RALGPS2: variants seen among roughly 807,000 people sequenced by gnomAD.
RALGPS2 encodes the protein ras-specific guanine nucleotide-releasing factor RalGPS2.
RALGPS2 carries 43 observed loss-of-function variants against 86.8 expected under a neutral mutation model. The ratio of observed to expected loss-of-function variants is 0.50; its 90% confidence interval spans 0.39 to 0.64. RALGPS2 has a LOEUF of 0.64. RALGPS2 is among the 30% of genes least tolerant of loss of function. The pLI is 0.00. For synonymous variants in RALGPS2, 243 were observed against 231.3 expected (o/e 1.05, Z -0.46); for missense variants, 536 against 694.6 (o/e 0.77, Z 2.57).
chr1:178,729,703 G>A (rs1650227797), intron 1 of RALGPS2, among the ~76,000 whole-genome samples: 1 of 152,100 alleles, frequency 6.6e-6, no homozygotes, highest in Non-Finnish European at 1.5e-5. Flanking sequence ...TGCCCAACTG[G>A]CAATGCAAGT....
intron 18 of RALGPS2, among the ~76,000 whole-genome samples, chr1:178,904,483 G>A (rs1341285886): frequency 6.6e-6 from 1 of 152,160 alleles, no homozygotes; most frequent in Non-Finnish European, 1.5e-5. Flanking sequence ...TATAGTTTCA[G>A]GTCTTAGATT....
rs115765024 is a variant in RALGPS2, at chr1:178,885,829, A to G, written c.1041-140A>G. 22,785 of 704,914 alleles carry G rather than the reference A, an allele frequency of 0.032. 532 individuals carry two copies. Among genetic ancestry groups the G allele is most frequent in the African/African-American group, 0.079 (4,207 of 53,190 alleles). The allele number at this position is 704,914 out of a possible 1,614,324, so 43.7% of individuals were successfully genotyped here. ...CAGGTTTCCTAAAACATTTTCCCTA[A>G]ACTGTTCATTTGAGGCTTTTATGGT... On this transcript the variant is annotated intron_variant, in intron 12 of 19. Transcript: ENST00000367635.
chr1:178,907,986 C>T (rs1448999644), intron 19 of RALGPS2, among the ~76,000 whole-genome samples: 2 of 152,146 alleles, frequency 1.3e-5, no homozygotes, highest in Non-Finnish European at 2.9e-5. Context: ...AGGTTTGTTA[C>T]ATGGGTATAT....
intron 8 of RALGPS2, chr1:178,852,793 T>G (rs1006754094): frequency 4.3e-6 from 7 of 1,613,820 alleles, no homozygotes; most frequent in Non-Finnish European, 5.9e-6. Flanking sequence ...TCTATAGAAT[T>G]CACTTTCAGG....
intron 1 of RALGPS2, among the ~76,000 whole-genome samples, chr1:178,764,704 T>C (rs1001409667): frequency 7.2e-5 from 11 of 152,264 alleles, no homozygotes; most frequent in Admixed American, 5.2e-4. Flanking sequence ...ATATTATTTC[T>C]TCTTCGCTTA....
intron 4 of RALGPS2, among the ~76,000 whole-genome samples, chr1:178,804,338 A>G (rs1654631937): frequency 6.9e-6 from 1 of 145,248 alleles, no homozygotes; most frequent in Non-Finnish European, 1.5e-5. Context: ...CAGGTTAGTT[A>G]CATATGTATA....
chr1:178,812,511 T>C (rs566889681), intron 6 of RALGPS2, among the ~76,000 whole-genome samples: 1 of 152,320 alleles, frequency 6.6e-6, no homozygotes, highest in South Asian at 2.1e-4. Flanking sequence ...TCTTTACAGA[T>C]GTGAATCTCC....
rs768764029 is a variant in RALGPS2 at position 178,833,445 on chromosome 1, A to G, written c.502A>G (p.Thr168Ala). The G allele has an allele frequency of 1.3e-6, 2 of 1,512,434 alleles. No homozygotes were observed. Among genetic ancestry groups the G allele is most frequent in the Admixed American group, 5.4e-5 (2 of 36,926 alleles). The allele number at this position is 1,512,434 out of a possible 1,614,324, so 93.7% of individuals were successfully genotyped here. ...TTAGTTATTAAGTCGAAAAGACAAAACTACCTTTGAAAAATTAGAATATGT... is the reference window on the plus strand; with the variant it reads ...TTAGTTATTAAGTCGAAAAGACAAAGCTACCTTTGAAAAATTAGAATATGT... ...TWALLSRKDK[T>A]TFEKLEYVMS... The change falls in exon 8 of 20, where the codon ACT (threonine) becomes GCT (alanine). Residue 168 changes from threonine (T) to alanine (A), a missense_variant. Thr to Ala is a moderately conservative substitution (Grantham distance 58). This residue lies in a region of RALGPS2 where 184 missense variants were observed against 296.7 expected (regional missense o/e 0.62). Transcript: ENST00000367635.
At chr1:178,807,904 G>T (rs570177559) in intron 4 of RALGPS2, 141 bp from the exon 5 acceptor site, 153 of 677,352 alleles carry the variant, frequency 2.3e-4, no homozygotes, top group African/African-American at 2.3e-3. Flanking sequence ...CCAACTGAAT[G>T]GATATAATAT....
At chr1:178,817,564 T>A (rs1655293079) in intron 6 of RALGPS2, among the ~76,000 whole-genome samples, 1 of 151,372 alleles carries the variant, frequency 6.6e-6, no homozygotes, top group Admixed American at 6.6e-5. Context: ...AGTGTTCTAA[T>A]TTTTTTTTCT....
chr1:178,777,072 G>C (rs1370336228), intron 2 of RALGPS2, among the ~76,000 whole-genome samples: 1 of 150,562 alleles, frequency 6.6e-6, no homozygotes, highest in Non-Finnish European at 1.5e-5. Context: ...TCTAGCATTA[G>C]GTATATCTCC....
intron 8 of RALGPS2, chr1:178,851,370 T>C: frequency 6.9e-7 from 1 of 1,446,440 alleles, no homozygotes; most frequent in Non-Finnish European, 9.2e-7. Flanking sequence ...GGTGTGGTAC[T>C]CTGCAATCAT....
At chr1:178,795,688 C>T (rs1218981980) in intron 4 of RALGPS2, among the ~76,000 whole-genome samples, 1 of 152,078 alleles carries the variant, frequency 6.6e-6, no homozygotes, top group East Asian at 1.9e-4. Flanking sequence ...TGCTGGATTA[C>T]AGGTGTAGCC....
In RALGPS2 at chr1:178,907,125, GGGA is replaced by G. The variant is rs1660418992; in HGVS notation, c.1722+260_1722+262del. Among the ~76,000 whole-genome samples, 6 of 152,304 alleles carry G rather than the reference GGGA, an allele frequency of 3.9e-5. No homozygotes were observed. The South Asian group carries it at 1.2e-3, about 32-fold the overall frequency. On this transcript the variant is annotated intron_variant, in intron 19 of 19. Transcript: ENST00000367635. ...ATAGACGTATGTGATATAGAGCAAT[GGGA>G]GTACAGACAACTTTTGATAACATAA... is the stretch of plus-strand genomic sequence containing the variant.
intron 19 of RALGPS2, among the ~76,000 whole-genome samples, chr1:178,915,957 GAAAAT>G (rs1660795313): frequency 6.6e-6 from 1 of 152,034 alleles, no homozygotes; most frequent in Non-Finnish European, 1.5e-5. Flanking sequence ...TATATAATGA[GAAAAT>G]AAATAATGGC....
At chr1:178,732,459 C>T (rs756438530) in intron 1 of RALGPS2, among the ~76,000 whole-genome samples, 7 of 152,122 alleles carry the variant, frequency 4.6e-5, no homozygotes, top group South Asian at 2.1e-4. Flanking sequence ...CCACCACATC[C>T]GGCTAATTTT....
chr1:178,899,660 T>TTTTTTG, intron 17 of RALGPS2, among the ~76,000 whole-genome samples: 1 of 151,244 alleles, frequency 6.6e-6, no homozygotes. Context: ...TTGGTTTTTT[T>TTTTTTG]TTTTGCCAAA....
chr1:178,793,584 C>G (rs1234364078), intron 4 of RALGPS2, among the ~76,000 whole-genome samples: 3 of 151,896 alleles, frequency 2.0e-5, no homozygotes, highest in Non-Finnish European at 4.4e-5. Flanking sequence ...TGTCACAAGT[C>G]AAGCACGTAC....
chr1:178,881,345 T>C (rs1659236667), intron 10 of RALGPS2, among the ~76,000 whole-genome samples: 1 of 152,102 alleles, frequency 6.6e-6, no homozygotes, highest in Non-Finnish European at 1.5e-5. Flanking sequence ...AAAAGTATGC[T>C]GGGGATGGAA....
Sources: allele counts gnomAD v4.1 joint callset (sites outside exome capture counted in the v4.1 genomes callset), GRCh38; gene constraint gnomAD v4.1.1; regional missense constraint gnomAD v4.1.1; transcripts MANE v1.5; gene names NCBI Gene and HGNC (gene_info 2026-07-23, HGNC 2026-07-21).